R3HCC1L: variants seen among roughly 807,000 people sequenced by gnomAD.
R3HCC1L encodes the protein R3H domain and coiled-coil containing 1 like.
In R3HCC1L, 51 loss-of-function variants were observed where a neutral mutation model predicts 59.9. That is an observed-to-expected ratio of 0.85 (90% CI 0.68 to 1.07). The LOEUF is 1.07. Among genes scored for constraint, R3HCC1L ranks in the 50% least tolerant of loss-of-function variants. The pLI, the probability that R3HCC1L is intolerant of heterozygous loss-of-function variation, is 0.00. For missense variants in R3HCC1L, 965 were observed against 933.0 expected (o/e 1.03, Z -0.45); for synonymous variants, 322 against 315.2 (o/e 1.02, Z -0.23).
At chr10:98,170,947 C>G (rs1848454478) in intron 4 of R3HCC1L, among the ~76,000 whole-genome samples, 1 of 152,198 alleles carries the variant, frequency 6.6e-6, no homozygotes, top group African/African-American at 2.4e-5. Context: ...CAATTTTGTT[C>G]TGTAAGATAG....
chr10:98,234,526 C>T lies in R3HCC1L; in HGVS notation c.2032+10C>T, dbSNP rs776092493. On this transcript the variant is annotated intron_variant, in intron 7 of 9. Coordinates refer to ENST00000298999, the MANE Select transcript of R3HCC1L (RefSeq NM_001351015.2). ...TCCAGTCCAATTACAGGTATTCACC[C>T]AGTGGCTTTCAATCTTCCTTTCTTA... 1.1e-5 allele frequency: 17 copies of T among 1,603,290 alleles called. No individual in the cohort carries two copies. The highest frequency in any genetic ancestry group is 1.5e-5 in the Non-Finnish European group (17 of 1,172,138).
chr10:98,190,594 TGAA>T (rs1411900921), intron 4 of R3HCC1L, among the ~76,000 whole-genome samples: 1 of 152,184 alleles, frequency 6.6e-6, no homozygotes, highest in Non-Finnish European at 1.5e-5. Flanking sequence ...TTGTAAAAAG[TGAA>T]GAAGAATTCT....
chr10:98,149,567 A>G (rs1845958224), intron 1 of R3HCC1L, among the ~76,000 whole-genome samples: 1 of 152,196 alleles, frequency 6.6e-6, no homozygotes, highest in African/African-American at 2.4e-5. Context: ...GTTTCAAGAA[A>G]TATTTAAATT....
chr10:98,200,610 T>C (rs1456486772), intron 4 of R3HCC1L, among the ~76,000 whole-genome samples: 8 of 152,094 alleles, frequency 5.3e-5, no homozygotes, highest in African/African-American at 1.9e-4. Flanking sequence ...ATCTGGCCCA[T>C]TGAAGACTTA....
chr10:98,138,748 T>G (rs1406422273), intron 1 of R3HCC1L, among the ~76,000 whole-genome samples: 1 of 152,128 alleles, frequency 6.6e-6, no homozygotes, highest in African/African-American at 2.4e-5. Context: ...GGCAATAACC[T>G]ATGCTTTGGA....
chr10:98,243,487 G>A (rs1412547018), intron 9 of R3HCC1L, among the ~76,000 whole-genome samples: 1 of 152,148 alleles, frequency 6.6e-6, no homozygotes, highest in East Asian at 1.9e-4. Context: ...ATCCAGATTT[G>A]TATATTTTTT....
intron 1 of R3HCC1L, among the ~76,000 whole-genome samples, chr10:98,151,266 G>C (rs1352180923): frequency 6.6e-6 from 1 of 152,178 alleles, no homozygotes; most frequent in Non-Finnish European, 1.5e-5. Flanking sequence ...GTGTGCGCTG[G>C]TTAAGAGGCT....
chr10:98,158,177 C>A (rs60254436), intron 2 of R3HCC1L, among the ~76,000 whole-genome samples: 3,332 of 152,156 alleles, frequency 0.022, 116 homozygotes, highest in African/African-American at 0.075. Context: ...TTTTTCTAGT[C>A]TTTGTTTATG....
In R3HCC1L at chr10:98,134,674, G is replaced by A. The variant is rs1844343734; in HGVS notation, c.-300G>A. ...CGAGCGGAAGAGATAGAGCTTCGCG[G>A]AGACGGCGGAAGCGGAGAGCAACAG... On this transcript the variant is annotated 5_prime_UTR_variant, in exon 1 of 10. Transcript: ENST00000298999. The A allele has an allele frequency of 6.6e-6, 1 of 152,310 alleles. No individual in the cohort carries two copies. The highest frequency in any genetic ancestry group is 6.5e-5 in the Admixed American group (1 of 15,294). 9.4% of individuals were successfully genotyped at this position (152,310 alleles called of 1,614,324 possible).
chr10:98,234,538 A>G (rs1369073340), intron 7 of R3HCC1L, 22 bp downstream of exon 7: 5 of 1,591,826 alleles, frequency 3.1e-6, no homozygotes, highest in East Asian at 2.2e-5. Context: ...GTGGCTTTCA[A>G]TCTTCCTTTC....
intron 9 of R3HCC1L, among the ~76,000 whole-genome samples, chr10:98,242,209 T>C (rs1857600399): frequency 6.6e-6 from 1 of 152,062 alleles, no homozygotes; most frequent in Non-Finnish European, 1.5e-5. Flanking sequence ...TAGCCAGGCA[T>C]GGTGGCATGT....
intron 2 of R3HCC1L, among the ~76,000 whole-genome samples, chr10:98,160,692 C>G (rs1286084504): frequency 6.6e-6 from 1 of 151,944 alleles, no homozygotes; most frequent in Non-Finnish European, 1.5e-5. Context: ...CTTATTTATT[C>G]TTCAGTATGT....
At chr10:98,149,133 G>A (rs748294283) in intron 1 of R3HCC1L, among the ~76,000 whole-genome samples, 14 of 152,034 alleles carry the variant, frequency 9.2e-5, no homozygotes, top group Non-Finnish European at 1.9e-4. Flanking sequence ...TTTCTTCCAG[G>A]TTTTCCAATT....
At chr10:98,235,050 G>GTAAA (rs1564738567) in intron 7 of R3HCC1L, among the ~76,000 whole-genome samples, 7 of 152,126 alleles carry the variant, frequency 4.6e-5, no homozygotes, top group African/African-American at 1.7e-4. Flanking sequence ...ATTCTATAAA[G>GTAAA]GACCAAACAG....
At chr10:98,143,796 G>T (rs1263323870) in intron 1 of R3HCC1L, among the ~76,000 whole-genome samples, 2 of 152,086 alleles carry the variant, frequency 1.3e-5, no homozygotes, top group Non-Finnish European at 2.9e-5. Flanking sequence ...TCCAACCAGG[G>T]TCTAGGGCAT....
intron 4 of R3HCC1L, among the ~76,000 whole-genome samples, chr10:98,187,076 T>G (rs1223504508): frequency 1.3e-5 from 2 of 152,192 alleles, no homozygotes; most frequent in African/African-American, 4.8e-5. Context: ...ACCCAGTGCT[T>G]CATTCATTGA....
rs143631828 is a variant in R3HCC1L at position 98,208,338 on chromosome 10, C to G, written c.224C>G (p.Pro75Arg). 77 of 1,613,896 alleles carry G rather than the reference C, an allele frequency of 4.8e-5. No individual in the cohort carries two copies. Among genetic ancestry groups the G allele is most frequent in the Non-Finnish European group, 6.1e-5 (72 of 1,179,998 alleles). The change falls in exon 5 of 10, where the codon CCT becomes CGT. Residue 75 changes from proline to arginine, a missense_variant. Transcript: ENST00000298999. ...KPEARRLNINPDRKEHNCREE... is the reference protein window; with the variant it reads ...KPEARRLNINRDRKEHNCREE... ...GAGGCTCGAAGACTAAATATCAATCCTGATAGAAAGGAGCATAATTGTAGA... is the reference window on the plus strand; with the variant it reads ...GAGGCTCGAAGACTAAATATCAATCGTGATAGAAAGGAGCATAATTGTAGA...
chr10:98,222,501 A>C (rs1411847752), intron 5 of R3HCC1L, among the ~76,000 whole-genome samples: 2 of 151,958 alleles, frequency 1.3e-5, no homozygotes, highest in African/African-American at 2.4e-5. Flanking sequence ...ATTCAGTATG[A>C]TATTGGCTGT....
chr10:98,210,388 G>T (rs1853429206), intron 5 of R3HCC1L, among the ~76,000 whole-genome samples: 1 of 152,178 alleles, frequency 6.6e-6, no homozygotes, highest in Non-Finnish European at 1.5e-5. Context: ...GGGTTAAATT[G>T]AAGAATGAAT....
Sources: gnomAD v4.1 joint callset for allele counts (sites outside exome capture counted in the v4.1 genomes callset) on GRCh38, gnomAD v4.1.1 for gene constraint, MANE v1.5 for transcripts, NCBI Gene and HGNC (gene_info 2026-07-23, HGNC 2026-07-21) for gene names.